The following IGF2BP3 variants were observed in gnomAD, a reference collection of about 807,000 sequenced individuals.
IGF2BP3 encodes insulin like growth factor 2 mRNA binding protein 3, also known as insulin-like growth factor 2 mRNA-binding protein 3.
Under a neutral mutation model 73.8 loss-of-function variants are expected in IGF2BP3, and 9 were observed. The observed-to-expected ratio is 0.12, with a 90% CI of 0.07 to 0.21. IGF2BP3 has a LOEUF of 0.21. Ranked by LOEUF, IGF2BP3 falls within the 10% of genes least tolerant of loss-of-function variation. The pLI is 1.00. For synonymous variants in IGF2BP3, 258 were observed against 256.7 expected (o/e 1.01, Z -0.05); for missense variants, 542 against 714.0 (o/e 0.76, Z 2.75).
intron 3 of IGF2BP3, among the ~76,000 whole-genome samples, chr7:23,366,457 A>G (rs1447610733): frequency 2.0e-5 from 3 of 151,936 alleles, no homozygotes; most frequent in African/African-American, 7.2e-5. Flanking sequence ...CTTTAGAAAG[A>G]TAACTAGAAA....
At chr7:23,325,549 C>A (rs1235804444) in intron 10 of IGF2BP3, among the ~76,000 whole-genome samples, 1 of 152,190 alleles carries the variant, frequency 6.6e-6, no homozygotes, top group Non-Finnish European at 1.5e-5. Flanking sequence ...CAATGACTTT[C>A]TTCACAGAAC....
chr7:23,427,198 A>T (rs1216403305), intron 2 of IGF2BP3, among the ~76,000 whole-genome samples: 2 of 152,126 alleles, frequency 1.3e-5, no homozygotes, highest in Admixed American at 1.3e-4. Flanking sequence ...GACAGACAAA[A>T]TCCTTAAGAA....
chr7:23,451,193 G>A (rs867376549), intron 2 of IGF2BP3, among the ~76,000 whole-genome samples: 20 of 152,158 alleles, frequency 1.3e-4, no homozygotes, highest in African/African-American at 3.9e-4. Flanking sequence ...TGAGGTGGGC[G>A]GATCACTTGA....
intron 10 of IGF2BP3, among the ~76,000 whole-genome samples, chr7:23,325,444 C>T (rs1237920844): frequency 2.0e-5 from 3 of 152,086 alleles, no homozygotes; most frequent in Non-Finnish European, 4.4e-5. Context: ...AATGGAAGAA[C>T]ATTCCATGCT....
chr7:23,468,447 G>A (rs771829156), intron 2 of IGF2BP3, 35 bp downstream of exon 2: 2 of 1,610,502 alleles, frequency 1.2e-6, no homozygotes, highest in Non-Finnish European at 1.7e-6. Flanking sequence ...AACGGAGTGA[G>A]AACAGAATCG....
In IGF2BP3 at chr7:23,311,390, G is replaced by C. The variant is rs1562661103; in HGVS notation, c.*972C>G. 1 of 152,578 alleles carries C rather than the reference G, an allele frequency of 6.6e-6. No homozygotes were observed. 9.5% of individuals were successfully genotyped at this position (152,578 alleles called of 1,614,324 possible). On this transcript the variant is annotated 3_prime_UTR_variant, in exon 15 of 15. Coordinates refer to ENST00000258729, the MANE Select transcript of IGF2BP3 (RefSeq NM_006547.3). The stretch of plus-strand genomic sequence containing the variant: ...GTCAGAAGCACAAAGCATTTATTAT[G>C]CATTCAATCATGTAGCTAAACAAAA...
chr7:23,352,643 A>G (rs1784994594), intron 5 of IGF2BP3, among the ~76,000 whole-genome samples: 1 of 152,074 alleles, frequency 6.6e-6, no homozygotes, highest in Non-Finnish European at 1.5e-5. Context: ...CCAAATCTTG[A>G]GCATAAATTT....
In IGF2BP3 at chr7:23,435,292, CAAAAAAAA is replaced by C. The variant is rs35846648; in HGVS notation, c.237-16476_237-16469del. ...CAGGCGACAGAGCAAGACTCTGTCT[CAAAAAAAA>C]AAAAAAAAAAAAAAAAAAAAATCCT... is the stretch of plus-strand genomic sequence containing the variant. On this transcript the variant is annotated intron_variant, in intron 2 of 14. Coordinates refer to ENST00000258729, the MANE Select transcript of IGF2BP3 (RefSeq NM_006547.3). Among the ~76,000 whole-genome samples the C allele has an allele frequency of 5.2e-3, 247 of 47,940 alleles. 1 individual carries two copies. Among genetic ancestry groups the C allele is most frequent in the African/African-American group, 0.017 (230 of 13,392 alleles). 31.5% of individuals were successfully genotyped at this position (47,940 alleles called of 152,430 possible).
At chr7:23,420,787 A>C (rs1421043116) in intron 2 of IGF2BP3, among the ~76,000 whole-genome samples, 2 of 152,232 alleles carry the variant, frequency 1.3e-5, no homozygotes, top group Non-Finnish European at 2.9e-5. Flanking sequence ...GCACTTTTAC[A>C]TTATTTTCAT....
intron 2 of IGF2BP3, among the ~76,000 whole-genome samples, chr7:23,419,246 T>C (rs926463248): frequency 3.3e-5 from 5 of 152,164 alleles, no homozygotes; most frequent in Admixed American, 3.3e-4. Context: ...GAGGTGTGGG[T>C]GGCAGGAAAT....
intron 3 of IGF2BP3, among the ~76,000 whole-genome samples, chr7:23,393,249 G>A (rs182082258): frequency 2.0e-5 from 3 of 152,208 alleles, no homozygotes; most frequent in Admixed American, 1.3e-4. Flanking sequence ...CAGGCAACGT[G>A]GTTAAATCAG....
At chr7:23,440,135 C>T (rs998883739) in intron 2 of IGF2BP3, among the ~76,000 whole-genome samples, 17 of 152,116 alleles carry the variant, frequency 1.1e-4, no homozygotes, top group East Asian at 5.8e-4. Flanking sequence ...TGGTGGCACG[C>T]GCCTGCAGTC....
At chr7:23,396,684 C>A (rs1786484379) in intron 3 of IGF2BP3, among the ~76,000 whole-genome samples, 2 of 151,408 alleles carry the variant, frequency 1.3e-5, no homozygotes, top group African/African-American at 4.9e-5. Flanking sequence ...GGATCCAGAA[C>A]AAAATAAGAC....
At chr7:23,358,919 TC>T (rs1314996664) in intron 5 of IGF2BP3, among the ~76,000 whole-genome samples, 1 of 152,220 alleles carries the variant, frequency 6.6e-6, no homozygotes, top group Non-Finnish European at 1.5e-5. Flanking sequence ...AATTAGGTAG[TC>T]CCTCTCCAAA....
rs1388353181 is a variant in IGF2BP3, at chr7:23,311,493, T to G, written c.*869A>C. ...CCACTTTGTTAGTACCGTCAAAAAC[T>G]TTCCCAACTATAAATGAAAGAATAA... is the stretch of plus-strand genomic sequence containing the variant. On this transcript the variant is annotated 3_prime_UTR_variant, in exon 15 of 15. Coordinates refer to ENST00000258729, the MANE Select transcript of IGF2BP3 (RefSeq NM_006547.3). 1 of 152,468 alleles carries G rather than the reference T, an allele frequency of 6.6e-6. No individual in the cohort carries two copies. Among genetic ancestry groups the G allele is most frequent in the Non-Finnish European group, 1.5e-5 (1 of 68,036 alleles). 9.4% of individuals were successfully genotyped at this position (152,468 alleles called of 1,614,324 possible). A position where few individuals can be genotyped will look rare whatever the true frequency, so the allele number is the denominator to read the frequency against.
chr7:23,437,799 A>G (rs963611598), intron 2 of IGF2BP3, among the ~76,000 whole-genome samples: 1 of 152,226 alleles, frequency 6.6e-6, no homozygotes, highest in African/African-American at 2.4e-5. Context: ...GGGTAAAGCC[A>G]TACCAAGTAC....
At chr7:23,441,848 G>T (rs1787943957) in intron 2 of IGF2BP3, among the ~76,000 whole-genome samples, 2 of 152,116 alleles carry the variant, frequency 1.3e-5, no homozygotes, top group Admixed American at 1.3e-4. Context: ...ATTCTGGCTG[G>T]GCGGGGTGGC....
At chr7:23,464,640 TGCCACTGCACTCCA>T (rs1788521919) in intron 2 of IGF2BP3, among the ~76,000 whole-genome samples, 2 of 151,292 alleles carry the variant, frequency 1.3e-5, no homozygotes, top group South Asian at 4.2e-4. Context: ...GCCGAGATCG[TGCCACTGCACTCCA>T]GCCTGGGCAA....
intron 5 of IGF2BP3, 113 bp downstream of exon 5, chr7:23,361,421 A>C: frequency 5.0e-6 from 4 of 792,264 alleles, no homozygotes; most frequent in Non-Finnish European, 8.2e-6. Flanking sequence ...AATTTTGTAA[A>C]ATAAAGTTTC....
Sources: allele counts gnomAD v4.1 joint callset (sites outside exome capture counted in the v4.1 genomes callset), GRCh38; gene constraint gnomAD v4.1.1; transcripts MANE v1.5; gene names NCBI Gene and HGNC (gene_info 2026-07-23, HGNC 2026-07-21).